Variants in SUGCT observed in about 807,000 individuals in gnomAD.
The protein encoded by SUGCT is succinyl-CoA:glutarate CoA-transferase.
A neutral mutation model predicts 55.0 loss-of-function variants in SUGCT; 41 were observed. The observed-to-expected ratio is 0.74, with a 90% confidence interval of 0.58 to 0.97. SUGCT has a LOEUF of 0.97. SUGCT is among the 50% of genes least tolerant of loss of function. The pLI is 0.00. For synonymous variants in SUGCT, 187 were observed against 200.4 expected (o/e 0.93, Z 0.56); for missense variants, 568 against 547.8 (o/e 1.04, Z -0.37).
At chr7:40,245,423 A>ATATTT (rs1344678220) in intron 7 of SUGCT, among the ~76,000 whole-genome samples, 3 of 54,580 alleles carry the variant, frequency 5.5e-5, no homozygotes, top group African/African-American at 8.9e-5. Context: ...ATATATATAT[A>ATATTT]TTTTTTTTTT....
At chr7:40,707,073 A>G (rs1197906753) in intron 12 of SUGCT, among the ~76,000 whole-genome samples, 2 of 152,308 alleles carry the variant, frequency 1.3e-5, no homozygotes, top group Non-Finnish European at 2.9e-5. Context: ...GGATACCTGG[A>G]TATCCTATAA....
intron 12 of SUGCT, among the ~76,000 whole-genome samples, chr7:40,704,909 T>C (rs1161845432): frequency 6.6e-6 from 1 of 152,200 alleles, no homozygotes; most frequent in East Asian, 1.9e-4. Flanking sequence ...AGTGGAGTCA[T>C]GGTTTTTGGC....
At chr7:40,420,189 G>T (rs1787230394) in intron 9 of SUGCT, among the ~76,000 whole-genome samples, 1 of 152,170 alleles carries the variant, frequency 6.6e-6, no homozygotes, top group Non-Finnish European at 1.5e-5. Context: ...AAGGAAGAAA[G>T]TGTCAAAGGC....
At chr7:40,859,955 C>T (rs148459230) in intron 13 of SUGCT, among the ~76,000 whole-genome samples, 39 of 152,288 alleles carry the variant, frequency 2.6e-4, no homozygotes, top group Non-Finnish European at 4.3e-4. Flanking sequence ...AGAGACACTA[C>T]GTTTCTGTGG....
At chr7:40,966,022 C>G in the SUGCT span, 13 of 152,146 alleles carry the variant, frequency 8.5e-5, no homozygotes, top group African/African-American at 1.4e-4. Context: ...ACACAGAAAC[C>G]CTTTTTAAAA....
At chr7:40,498,573 G>A (rs1338185859) in intron 12 of SUGCT, among the ~76,000 whole-genome samples, 1 of 152,134 alleles carries the variant, frequency 6.6e-6, no homozygotes, top group Non-Finnish European at 1.5e-5. Flanking sequence ...GTGATCTGAG[G>A]GAACTCAGTG....
the SUGCT span, among the ~76,000 whole-genome samples, chr7:41,037,936 A>C: frequency 2.0e-5 from 3 of 152,278 alleles, no homozygotes; most frequent in Middle Eastern, 6.8e-3. Flanking sequence ...AATCCATATA[A>C]AAGTGCAGTT....
At chr7:40,657,720 G>T (rs1005745423) in intron 12 of SUGCT, among the ~76,000 whole-genome samples, 12 of 152,180 alleles carry the variant, frequency 7.9e-5, no homozygotes, top group Admixed American at 5.9e-4. Flanking sequence ...ATTTTTAGTG[G>T]AGACGGGGTT....
intron 1 of SUGCT, chr7:40,141,878 G>T (rs1200777562): frequency 2.4e-6 from 1 of 409,994 alleles, no homozygotes; most frequent in Admixed American, 2.5e-5. Flanking sequence ...ACAATGGTGA[G>T]CACACACCTG....
chr7:40,865,548 C>T (rs1213932618), downstream of SUGCT, among the ~76,000 whole-genome samples: 1 of 152,194 alleles, frequency 6.6e-6, no homozygotes, highest in Non-Finnish European at 1.5e-5. Flanking sequence ...AAATAGAATG[C>T]AGAGCAGAGT....
intron 9 of SUGCT, among the ~76,000 whole-genome samples, chr7:40,392,911 T>C (rs1273806025): frequency 6.6e-6 from 1 of 152,204 alleles, no homozygotes; most frequent in Non-Finnish European, 1.5e-5. Flanking sequence ...GGCTTAAGCC[T>C]GTAAAACTGG....
chr7:40,699,910 A>G (rs917922052), intron 12 of SUGCT, among the ~76,000 whole-genome samples: 10 of 152,204 alleles, frequency 6.6e-5, no homozygotes, highest in Non-Finnish European at 1.5e-4. Context: ...AATGCCATTA[A>G]TTATTTCATT....
At chr7:40,782,815 G>C (rs934288701) in intron 13 of SUGCT, 2 of 152,184 alleles carry the variant, frequency 1.3e-5, no homozygotes, top group Non-Finnish European at 2.9e-5. Flanking sequence ...GAGGAACACG[G>C]TTATTTCAAT....
chr7:40,667,716 T>C (rs542117856), intron 12 of SUGCT, among the ~76,000 whole-genome samples: 2 of 152,242 alleles, frequency 1.3e-5, no homozygotes, highest in African/African-American at 4.8e-5. Flanking sequence ...TTCCTCTAGA[T>C]TTTTTAGTTT....
intron 9 of SUGCT, among the ~76,000 whole-genome samples, chr7:40,443,272 G>A (rs1788620710): frequency 1.3e-5 from 2 of 152,234 alleles, no homozygotes; most frequent in South Asian, 4.1e-4. Context: ...GGTATTTCTA[G>A]TTTGAGATCC....
At position 40,326,141 on chromosome 7, in the gene SUGCT, C is replaced by T. The variant is rs186630404; in HGVS notation, c.816+9286C>T. On this transcript the variant is annotated intron_variant, in intron 9 of 13. Transcript: ENST00000335693. ...AATTAAAACATAATTTCTTGAGTAC[C>T]CTGTGGGGTAGGCAGTGTTTTAGTC... 4.5e-4 allele frequency among the ~76,000 whole-genome samples: 69 copies of T among 151,962 alleles called. 1 individual carries two copies. In the East Asian group the frequency reaches 0.011, roughly 25 times the overall value.
chr7:40,828,139 A>G (rs1408763530), intron 13 of SUGCT, among the ~76,000 whole-genome samples: 2 of 152,248 alleles, frequency 1.3e-5, no homozygotes, highest in African/African-American at 2.4e-5. Flanking sequence ...ATGAGAGGAT[A>G]GAACAGTAAC....
chr7:40,468,208 T>C (rs983778998), intron 11 of SUGCT, among the ~76,000 whole-genome samples: 4 of 152,202 alleles, frequency 2.6e-5, no homozygotes, highest in South Asian at 2.1e-4. Context: ...TTAAGCACTT[T>C]AGTAAAATAC....
the SUGCT span, among the ~76,000 whole-genome samples, chr7:40,930,179 T>G: frequency 6.6e-6 from 1 of 152,212 alleles, no homozygotes; most frequent in African/African-American, 2.4e-5. Flanking sequence ...AAATAGGGAA[T>G]CCTTTCCCCA....
Sources: gnomAD v4.1 joint callset for allele counts (sites outside exome capture counted in the v4.1 genomes callset) on GRCh38, gnomAD v4.1.1 for gene constraint, MANE v1.5 for transcripts, NCBI Gene and HGNC (gene_info 2026-07-23, HGNC 2026-07-21) for gene names.